Variants in IRAK3 observed in about 807,000 individuals in gnomAD.
The protein encoded by IRAK3 is interleukin-1 receptor-associated kinase 3.
In IRAK3, 57 loss-of-function variants were observed where a neutral mutation model predicts 56.6. The ratio of observed to expected loss-of-function variants is 1.01; its 90% CI spans 0.81 to 1.26. The LOEUF (loss-of-function observed/expected upper bound fraction) is 1.26, where lower values mean the gene tolerates loss of function less well. IRAK3 is among the 50% of genes most tolerant of loss of function. IRAK3 has a pLI of 0.00. For missense variants in IRAK3, 703 were observed against 719.0 expected, an observed-to-expected ratio of 0.98 and a Z score of 0.25; for synonymous variants, 258 against 255.7, an observed-to-expected ratio of 1.01 and a Z score of -0.09.
intron 2 of IRAK3, 44 bp from the exon 3 acceptor site, chr12:66,209,412 A>G (rs1467681634): frequency 9.1e-7 from 1 of 1,098,080 alleles, no homozygotes; most frequent in African/African-American, 1.5e-5. Context: ...AACATTAGGG[A>G]CATAAAATTT....
rs2053063669 is a variant in IRAK3, at chr12:66,248,789, T to A, written c.*618T>A. 6.6e-6 allele frequency: 1 copy of A among 152,598 alleles called. No homozygotes were observed. Among genetic ancestry groups the A allele is most frequent in the Non-Finnish European group, 1.5e-5 (1 of 68,324 alleles). 9.5% of individuals were successfully genotyped at this position (152,598 alleles called of 1,614,324 possible). A position where few individuals can be genotyped will look rare whatever the true frequency, so the allele number is the denominator to read the frequency against. ...CTTCCCAAGATCTATCCTAAACTCTTAGGACAGTTTATCCTGTATTGACTA... is the reference window on the plus strand; with the variant it reads ...CTTCCCAAGATCTATCCTAAACTCTAAGGACAGTTTATCCTGTATTGACTA... On this transcript the variant is annotated 3_prime_UTR_variant, in exon 12 of 12. Transcript: ENST00000261233.
chr12:66,242,043 G>T (rs1000333745), intron 8 of IRAK3, among the ~76,000 whole-genome samples: 1 of 152,138 alleles, frequency 6.6e-6, no homozygotes, highest in Non-Finnish European at 1.5e-5. Context: ...CATGATTCTG[G>T]CATTGTCAAT....
At chr12:66,245,327 A>T in intron 11 of IRAK3, 65 bp downstream of exon 11, 1 of 1,499,298 alleles carries the variant, frequency 6.7e-7, no homozygotes, top group South Asian at 1.1e-5. Context: ...TAAACTAGAT[A>T]AATTGTGTAT....
At chr12:66,247,312 AC>A (rs2053044015) in intron 11 of IRAK3, among the ~76,000 whole-genome samples, 2 of 151,994 alleles carry the variant, frequency 1.3e-5, no homozygotes, top group African/African-American at 4.8e-5. Context: ...AAGAACAACA[AC>A]AAAAAACTGG....
intron 1 of IRAK3, among the ~76,000 whole-genome samples, chr12:66,201,852 A>G (rs1049494215): frequency 1.3e-5 from 2 of 152,222 alleles, no homozygotes; most frequent in African/African-American, 4.8e-5. Context: ...AACCTTCAAC[A>G]GCTGAATCTA....
intron 8 of IRAK3, chr12:66,235,009 C>T: frequency 6.2e-7 from 1 of 1,613,704 alleles, no homozygotes; most frequent in Admixed American, 1.7e-5. Flanking sequence ...TTGTCTTATG[C>T]AAAATTGCGT....
chr12:66,216,087 G>GT, intron 5 of IRAK3, among the ~76,000 whole-genome samples: 1 of 151,366 alleles, frequency 6.6e-6, no homozygotes, highest in African/African-American at 2.4e-5. Context: ...TGAAGCTGGG[G>GT]TTTTTTGGTC....
chr12:66,192,425 C>T (rs918559400), intron 1 of IRAK3, among the ~76,000 whole-genome samples: 14 of 152,138 alleles, frequency 9.2e-5, no homozygotes, highest in South Asian at 4.1e-4. Flanking sequence ...GACATGATAA[C>T]GTAGTACATA....
chr12:66,235,149 T>C (rs913275527), intron 8 of IRAK3: 3 of 1,613,898 alleles, frequency 1.9e-6, no homozygotes, highest in Non-Finnish European at 2.5e-6. Flanking sequence ...CTGCTGCTGC[T>C]ACTGTTGTTA....
intron 8 of IRAK3, among the ~76,000 whole-genome samples, chr12:66,239,160 G>A (rs1175533718): frequency 6.6e-6 from 1 of 152,142 alleles, no homozygotes; most frequent in African/African-American, 2.4e-5. Flanking sequence ...TAATCTTGGT[G>A]AACATTTCTA....
intron 2 of IRAK3, 71 bp downstream of exon 2, chr12:66,203,964 C>T: frequency 1.5e-6 from 2 of 1,313,626 alleles, no homozygotes; most frequent in Non-Finnish European, 2.2e-6. Context: ...TCGAATATTG[C>T]ATTTTATCCA....
At chr12:66,197,339 C>G in intron 1 of IRAK3, 1 of 1,024,772 alleles carries the variant, frequency 9.8e-7, no homozygotes, top group Non-Finnish European at 1.2e-6. Flanking sequence ...AAAGGGGACA[C>G]GTAAGGGAGA....
At chr12:66,199,896 G>A (rs1426397057) in intron 1 of IRAK3, among the ~76,000 whole-genome samples, 1 of 152,082 alleles carries the variant, frequency 6.6e-6, no homozygotes, top group Non-Finnish European at 1.5e-5. Context: ...AAAATGATAA[G>A]CTATCTAAAA....
At chr12:66,234,525 G>A in intron 8 of IRAK3, 2 of 1,612,084 alleles carry the variant, frequency 1.2e-6, no homozygotes, top group South Asian at 2.2e-5. Context: ...TCGTAAGTAA[G>A]TGTCATTCCA....
chr12:66,215,837 G>A (rs1565804083), intron 5 of IRAK3, among the ~76,000 whole-genome samples: 1 of 136,706 alleles, frequency 7.3e-6, no homozygotes, highest in Non-Finnish European at 1.5e-5. Context: ...CACTTATCAG[G>A]AAAAAATGAG....
At position 66,236,125 on chromosome 12, in the gene IRAK3, T is replaced by G. The variant is rs148829386; in HGVS notation, c.887+7755T>G. Among the ~76,000 whole-genome samples, 273 of 152,350 alleles carry G rather than the reference T, an allele frequency of 1.8e-3. 4 individuals carry two copies. The highest frequency in any genetic ancestry group is 0.013 in the Admixed American group (201 of 15,298). On this transcript the variant is annotated intron_variant, in intron 8 of 11. Coordinates refer to ENST00000261233, the MANE Select transcript of IRAK3 (RefSeq NM_007199.3). The stretch of plus-strand genomic sequence containing the variant: ...TTTTAAAATGAAAGTTGGAAAATCA[T>G]TATTCAGCAGCCTGGTGCCCAAAGT...
intron 1 of IRAK3, among the ~76,000 whole-genome samples, chr12:66,194,188 T>G (rs1291693265): frequency 3.3e-5 from 5 of 152,216 alleles, no homozygotes; most frequent in Admixed American, 6.5e-5. Flanking sequence ...ATTACAGATG[T>G]GAGCCACCGC....
Position 66,228,287 on chromosome 12 carries a change from C to T in IRAK3, c.804C>T (p.Ile268=), listed in dbSNP as rs1182598998. The T allele has an allele frequency of 1.5e-5, 24 of 1,613,950 alleles. No individual in the cohort carries two copies. The highest frequency in any genetic ancestry group is 1.8e-5 in the Non-Finnish European group (21 of 1,179,970). Residue 268 remains isoleucine, a synonymous_variant, in exon 8 of 12, where the codon ATC becomes ATT. Coordinates refer to ENST00000261233, the MANE Select transcript of IRAK3 (RefSeq NM_007199.3). The part of the protein sequence containing the change: ...DTAPLPWHIR[I]GILIGISKAI... ...CCCCACTCCCTTGGCACATTCGAATCGGTATATTAATAGGAATATCCAAAG... is the reference window on the plus strand; with the variant it reads ...CCCCACTCCCTTGGCACATTCGAATTGGTATATTAATAGGAATATCCAAAG...
chr12:66,229,279 T>C (rs1183246791), intron 8 of IRAK3, among the ~76,000 whole-genome samples: 6 of 152,214 alleles, frequency 3.9e-5, no homozygotes, highest in Non-Finnish European at 8.8e-5. Context: ...ACATTTCTTC[T>C]TCTAGACATA....
Sources: gnomAD v4.1 joint callset for allele counts (sites outside exome capture counted in the v4.1 genomes callset) on GRCh38, gnomAD v4.1.1 for gene constraint, MANE v1.5 for transcripts, NCBI Gene and HGNC (gene_info 2026-07-23, HGNC 2026-07-21) for gene names.